The following ZNF521 variants were observed in gnomAD, a reference collection of about 807,000 sequenced individuals.
ZNF521 encodes the protein LYST-interacting protein 3.
ZNF521 carries 14 observed loss-of-function variants against 105.5 expected under a neutral mutation model. The observed-to-expected ratio is 0.13, with a 90% CI of 0.09 to 0.21. ZNF521 has a LOEUF of 0.21. Among genes scored for constraint, ZNF521 ranks in the 10% least tolerant of loss-of-function variants. The pLI is 1.00. For synonymous variants in ZNF521, 635 were observed against 606.0 expected (o/e 1.05, Z -0.70); for missense variants, 1,233 against 1,629.7 (o/e 0.76, Z 4.19).
At chr18:25,143,912 G>A (rs1210654330) in intron 5 of ZNF521, among the ~76,000 whole-genome samples, 2 of 152,070 alleles carry the variant, frequency 1.3e-5, no homozygotes, top group East Asian at 3.9e-4. Flanking sequence ...CCTTTTGGTT[G>A]GTTTATAATT....
intron 7 of ZNF521, among the ~76,000 whole-genome samples, chr18:25,071,582 C>T (rs2033223260): frequency 6.6e-6 from 1 of 152,176 alleles, no homozygotes; most frequent in Non-Finnish European, 1.5e-5. Flanking sequence ...GAATCAACTA[C>T]ACCTGTAAGT....
At chr18:25,336,031 TA>T (rs1339500244) in intron 2 of ZNF521, among the ~76,000 whole-genome samples, 2 of 152,174 alleles carry the variant, frequency 1.3e-5, no homozygotes, top group East Asian at 3.9e-4. Flanking sequence ...GCAGAAAGAA[TA>T]AAGAAGAAAC....
rs543568870 is a variant in ZNF521 at position 25,141,450 on chromosome 18, C to T, written c.3659-49369G>A. 1.4e-4 allele frequency among the ~76,000 whole-genome samples: 22 copies of T among 152,262 alleles called. No individual in the cohort carries two copies. In the South Asian group the frequency reaches 4.1e-3, roughly 29 times the overall value. On this transcript the variant is annotated intron_variant, in intron 5 of 7. Transcript: ENST00000361524. Reference sequence around the variant, plus strand: ...GGAAGTTAGGGCATCCCCTGGGGGCCGTTCTTCCTTAGAGCACAGAAAATG... The same window carrying T: ...GGAAGTTAGGGCATCCCCTGGGGGCTGTTCTTCCTTAGAGCACAGAAAATG...
In ZNF521 at chr18:25,139,018, G is replaced by T. The variant is rs79754333; in HGVS notation, c.3659-46937C>A. Among the ~76,000 whole-genome samples the T allele has an allele frequency of 5.2e-3, 785 of 152,282 alleles. 7 individuals carry two copies. The highest frequency in any genetic ancestry group is 0.018 in the African/African-American group (755 of 41,552). ...GGCAAACTCTTTTCTATATCAAGAA[G>T]AATCTATATGCCTGTTGGGTTGTTG... On this transcript the variant is annotated intron_variant, in intron 5 of 7. Transcript: ENST00000361524.
intron 5 of ZNF521, among the ~76,000 whole-genome samples, chr18:25,175,232 T>TC (rs2035517053): frequency 6.6e-6 from 1 of 152,196 alleles, no homozygotes. Context: ...CATTCCTACC[T>TC]CCGACGTATA....
intron 3 of ZNF521, among the ~76,000 whole-genome samples, chr18:25,317,670 A>G (rs142806952): frequency 2.0e-5 from 3 of 152,334 alleles, no homozygotes; most frequent in Non-Finnish European, 2.9e-5. Context: ...TGAAAATGGC[A>G]TCTTACTAAT....
Position 25,062,752 on chromosome 18 carries a change from CAAAAAAAAAAAAAAAAAAA to C in ZNF521, c.3907-30_3907-12del, listed in dbSNP as rs10540123. Reference sequence around the variant, plus strand: ...GGTCATTGTATGATTCTGTAAATAACAAAAAAAAAAAAAAAAAAAAAAAAAAAAAAAAAGAGAAGAGAGG... The same window carrying C: ...GGTCATTGTATGATTCTGTAAATAACAAAAAAAAAAAAAAGAGAAGAGAGG... On this transcript the variant is annotated splice_polypyrimidine_tract_variant and intron_variant, in intron 7 of 7. Transcript: ENST00000361524. 101 of 365,002 alleles carry C rather than the reference CAAAAAAAAAAAAAAAAAAA, an allele frequency of 2.8e-4. 1 individual carries two copies. Among genetic ancestry groups the C allele is most frequent in the Middle Eastern group, 7.6e-4 (1 of 1,308 alleles). The allele number at this position is 365,002 out of a possible 1,614,324, so 22.6% of individuals were successfully genotyped here. A position where few individuals can be genotyped will look rare whatever the true frequency, so the allele number is the denominator to read the frequency against.
At chr18:25,276,981 G>A (rs1910070532) in intron 3 of ZNF521, among the ~76,000 whole-genome samples, 1 of 152,224 alleles carries the variant, frequency 6.6e-6, no homozygotes, top group Admixed American at 6.5e-5. Context: ...TCAGGAGTTC[G>A]AGACCAGCCT....
chr18:25,276,953 C>CG (rs779280267), intron 3 of ZNF521, among the ~76,000 whole-genome samples: 3 of 152,114 alleles, frequency 2.0e-5, no homozygotes, highest in African/African-American at 4.8e-5. Flanking sequence ...GAGACCAAGG[C>CG]GGGTGGATCA....
At chr18:25,303,281 T>C in intron 3 of ZNF521, among the ~76,000 whole-genome samples, 1 of 111,312 alleles carries the variant, frequency 9.0e-6, no homozygotes, top group East Asian at 2.6e-4. Flanking sequence ...CGTGTGTGTG[T>C]GTGTGTGTGT....
At chr18:25,313,834 C>T (rs1205280796) in intron 3 of ZNF521, among the ~76,000 whole-genome samples, 1 of 151,846 alleles carries the variant, frequency 6.6e-6, no homozygotes, top group African/African-American at 2.4e-5. Context: ...TAGAGATGGG[C>T]TGGAGAATGG....
At position 25,098,014 on chromosome 18, in the gene ZNF521, G is replaced by C. The variant is rs545532623; in HGVS notation, c.3659-5933C>G. Reference sequence around the variant, plus strand: ...AGAGCCCCATAAACATCAGCAGCTTGGAAACTAGCAGGAGGTCCAGGTGGG... The same window carrying C: ...AGAGCCCCATAAACATCAGCAGCTTCGAAACTAGCAGGAGGTCCAGGTGGG... On this transcript the variant is annotated intron_variant, in intron 5 of 7. Transcript: ENST00000361524. Among the ~76,000 whole-genome samples, 17 of 152,260 alleles carry C rather than the reference G, an allele frequency of 1.1e-4. No individual in the cohort carries two copies. The East Asian group carries it at 3.3e-3, about 29-fold the overall frequency.
intron 5 of ZNF521, among the ~76,000 whole-genome samples, chr18:25,133,746 G>A (rs534789320): frequency 3.3e-5 from 5 of 151,614 alleles, no homozygotes; most frequent in African/African-American, 4.8e-5. Flanking sequence ...ATTTTGAGTC[G>A]ACAGCAGCTG....
At chr18:25,286,722 C>T (rs80070402) in intron 3 of ZNF521, among the ~76,000 whole-genome samples, 68 of 151,814 alleles carry the variant, frequency 4.5e-4, no homozygotes, top group Non-Finnish European at 8.1e-4. Context: ...GAAAGAAAAA[C>T]GGGATTTGAA....
chr18:25,335,282 G>A (rs947212580), intron 2 of ZNF521, among the ~76,000 whole-genome samples: 1 of 152,170 alleles, frequency 6.6e-6, no homozygotes, highest in African/African-American at 2.4e-5. Context: ...CTCCTCCCTA[G>A]TCTGTCACAA....
intron 5 of ZNF521, among the ~76,000 whole-genome samples, chr18:25,167,116 T>C (rs2035357129): frequency 6.6e-6 from 1 of 152,236 alleles, no homozygotes; most frequent in African/African-American, 2.4e-5. Flanking sequence ...CTAGTTCATC[T>C]GAATGGGTAC....
intron 3 of ZNF521, among the ~76,000 whole-genome samples, chr18:25,316,064 CA>C (rs1374465815): frequency 2.0e-5 from 3 of 152,078 alleles, no homozygotes; most frequent in Non-Finnish European, 4.4e-5. Context: ...GATTGTTCAT[CA>C]AAAAGTCTTC....
At chr18:25,327,523 A>AT (rs1913290102) in intron 2 of ZNF521, 1 of 757,364 alleles carries the variant, frequency 1.3e-6, no homozygotes, top group African/African-American at 1.8e-5. Context: ...AAGTATGTTC[A>AT]AATCCTAATC....
chr18:25,113,731 C>G (rs2034242598), intron 5 of ZNF521, among the ~76,000 whole-genome samples: 1 of 137,370 alleles, frequency 7.3e-6, no homozygotes, highest in East Asian at 2.2e-4. Flanking sequence ...CTGAGACAGA[C>G]AGACAGGCAG....
Sources: allele counts gnomAD v4.1 joint callset (sites outside exome capture counted in the v4.1 genomes callset), GRCh38; gene constraint gnomAD v4.1.1; transcripts MANE v1.5; gene names NCBI Gene and HGNC (gene_info 2026-07-23, HGNC 2026-07-21).